PEBP4: variants seen among roughly 807,000 people sequenced by gnomAD.
The protein encoded by PEBP4 is phosphatidylethanolamine binding protein 4, also known as phosphatidylethanolamine-binding protein 4.
In PEBP4, 22 loss-of-function variants were observed where a neutral mutation model predicts 23.9. That is an observed-to-expected ratio of 0.92 (90% confidence interval 0.66 to 1.31). PEBP4 has a LOEUF of 1.31. Among genes scored for constraint, PEBP4 ranks in the 40% most tolerant of loss-of-function variants. The probability of loss-of-function intolerance (pLI) is 0.00; values close to 1 mark genes in which losing one functional copy is unlikely to be tolerated. For synonymous variants in PEBP4, 112 were observed against 99.3 expected, an observed-to-expected ratio of 1.13 and a Z score of -0.76; for missense variants, 324 against 281.7, an observed-to-expected ratio of 1.15 and a Z score of -1.07.
At chr8:22,803,350 T>C (rs1212183636) in intron 4 of PEBP4, among the ~76,000 whole-genome samples, 1 of 152,102 alleles carries the variant, frequency 6.6e-6, no homozygotes, top group African/African-American at 2.4e-5. Context: ...TCCAGGCTCA[T>C]TTCAATCTCT....
chr8:22,909,801 C>T (rs1185084209), intron 3 of PEBP4, among the ~76,000 whole-genome samples: 1 of 152,200 alleles, frequency 6.6e-6, no homozygotes, highest in Non-Finnish European at 1.5e-5. Flanking sequence ...GGCACTCATG[C>T]CTTCTGTGCT....
intron 1 of PEBP4, among the ~76,000 whole-genome samples, chr8:22,935,124 T>C (rs960573495): frequency 6.6e-6 from 1 of 152,114 alleles, no homozygotes; most frequent in Non-Finnish European, 1.5e-5. Context: ...CATACAAGGA[T>C]AGAATTGAAG....
At chr8:22,930,815 C>T (rs764507058), upstream of PEBP4, among the ~76,000 whole-genome samples, 36 of 152,128 alleles carry the variant, frequency 2.4e-4, no homozygotes, top group Admixed American at 2.2e-3. Flanking sequence ...TTCAAGCTTG[C>T]GGAGTGACAA....
At chr8:22,715,346 TG>T (rs922485417) in intron 6 of PEBP4, among the ~76,000 whole-genome samples, 1 of 152,218 alleles carries the variant, frequency 6.6e-6, no homozygotes, top group African/African-American at 2.4e-5. Flanking sequence ...CCCAGCTGGC[TG>T]GAAGGAAAGG....
chr8:22,810,423 T>C (rs898023717), intron 4 of PEBP4, among the ~76,000 whole-genome samples: 2 of 151,642 alleles, frequency 1.3e-5, no homozygotes, highest in African/African-American at 2.4e-5. Context: ...CCCTCTCCCC[T>C]CCCCCACCGC....
intron 3 of PEBP4, among the ~76,000 whole-genome samples, chr8:22,855,000 GCACA>G (rs200500141): frequency 0.028 from 2,078 of 73,746 alleles, 16 homozygotes; most frequent in African/African-American, 0.034. Context: ...GAGTATGCAC[GCACA>G]CACACACACA....
At chr8:22,840,031 T>C (rs1807289878) in intron 3 of PEBP4, among the ~76,000 whole-genome samples, 1 of 152,236 alleles carries the variant, frequency 6.6e-6, no homozygotes. Context: ...ACCGGTCTGC[T>C]GTAAATAAGA....
At chr8:22,818,752 G>A (rs1474606669) in intron 3 of PEBP4, among the ~76,000 whole-genome samples, 1 of 152,232 alleles carries the variant, frequency 6.6e-6, no homozygotes, top group African/African-American at 2.4e-5. Flanking sequence ...AGTAGCATGG[G>A]AAGGATGTTG....
At chr8:22,879,682 G>T (rs1450942163) in intron 3 of PEBP4, among the ~76,000 whole-genome samples, 1 of 152,180 alleles carries the variant, frequency 6.6e-6, no homozygotes, top group African/African-American at 2.4e-5. Context: ...AGCCTGCCCA[G>T]GGGTGCTTCA....
At chr8:22,765,972 A>C (rs1428564001) in intron 4 of PEBP4, among the ~76,000 whole-genome samples, 1 of 152,246 alleles carries the variant, frequency 6.6e-6, no homozygotes, top group Admixed American at 6.5e-5. Flanking sequence ...AGTGTTTAAG[A>C]CCAAGCGAGG....
chr8:22,912,036 A>G (rs1210812327), intron 3 of PEBP4, among the ~76,000 whole-genome samples: 1 of 151,722 alleles, frequency 6.6e-6, no homozygotes. Context: ...GGATTGGGTA[A>G]GGGGGGGCGC....
At chr8:22,803,772 ATCC>A (rs1806438747) in intron 4 of PEBP4, among the ~76,000 whole-genome samples, 1 of 152,174 alleles carries the variant, frequency 6.6e-6, no homozygotes, top group South Asian at 2.1e-4. Flanking sequence ...GGCCTCCAGT[ATCC>A]TCATCTCAGT....
At chr8:22,809,303 C>T (rs1022335952) in intron 4 of PEBP4, among the ~76,000 whole-genome samples, 2 of 152,148 alleles carry the variant, frequency 1.3e-5, no homozygotes, top group African/African-American at 2.4e-5. Context: ...GAATCAATCT[C>T]CTGCGTCCAC....
intron 3 of PEBP4, among the ~76,000 whole-genome samples, chr8:22,874,438 G>A (rs184219761): frequency 1.1e-3 from 164 of 152,176 alleles, no homozygotes; most frequent in African/African-American, 3.7e-3. Flanking sequence ...AACTGCATCC[G>A]TTAAAAAAGA....
At chr8:22,837,655 C>T (rs1310560758) in intron 3 of PEBP4, among the ~76,000 whole-genome samples, 2 of 152,160 alleles carry the variant, frequency 1.3e-5, no homozygotes, top group East Asian at 1.9e-4. Context: ...TGCTTCCCCA[C>T]CTCTGTGCCT....
intron 3 of PEBP4, among the ~76,000 whole-genome samples, chr8:22,840,056 A>T (rs540444454): frequency 1.3e-5 from 2 of 152,232 alleles, no homozygotes; most frequent in East Asian, 1.9e-4. Flanking sequence ...TGTTGGGGAA[A>T]TTTTTTTCTG....
chr8:22,764,532 G>A (rs1805571874), intron 4 of PEBP4, among the ~76,000 whole-genome samples: 1 of 152,138 alleles, frequency 6.6e-6, no homozygotes, highest in Non-Finnish European at 1.5e-5. Flanking sequence ...CCAATGCCCT[G>A]TGCTTTGAAG....
At chr8:22,751,634 G>C (rs1046270469) in intron 4 of PEBP4, among the ~76,000 whole-genome samples, 18 of 56,488 alleles carry the variant, frequency 3.2e-4, no homozygotes, top group South Asian at 1.6e-3. Flanking sequence ...GTGTCTCTGT[G>C]TGTGTGTGTG....
At chr8:22,778,643 C>T (rs927740969) in intron 4 of PEBP4, among the ~76,000 whole-genome samples, 2 of 152,090 alleles carry the variant, frequency 1.3e-5, no homozygotes, top group African/African-American at 2.4e-5. Context: ...GCTGATGGAG[C>T]GGGCCTGGGG....
Sources: allele counts gnomAD v4.1 joint callset (sites outside exome capture counted in the v4.1 genomes callset), GRCh38; gene constraint gnomAD v4.1.1; transcripts MANE v1.5; gene names NCBI Gene and HGNC (gene_info 2026-07-23, HGNC 2026-07-21).